Variants in EMP2 observed in about 807,000 individuals in gnomAD.
EMP2 encodes the protein epithelial membrane protein 2.
EMP2 carries 19 observed loss-of-function variants against 13.7 expected under a neutral mutation model. That is an observed-to-expected ratio of 1.38 (90% CI 0.97 to 2.03). The LOEUF is 2.03. EMP2 is among the 30% of genes most tolerant of loss of function. The pLI, the probability that EMP2 is intolerant of heterozygous loss-of-function variation, is 0.00. For missense variants in EMP2, 253 were observed against 220.7 expected, an observed-to-expected ratio of 1.15 and a Z score of -0.93; for synonymous variants, 97 against 84.7, an observed-to-expected ratio of 1.15 and a Z score of -0.80.
rs576738553 is a variant in EMP2 at position 10,551,142 on chromosome 16, T to C, written c.-60-3465A>G. ...AATTGTGTACTCACTAAGCAGTTAT[T>C]CCCTATTCTCCCTTCCCCCAACCCC... is the stretch of plus-strand genomic sequence containing the variant. On this transcript the variant is annotated intron_variant, in intron 1 of 4. Coordinates refer to ENST00000359543, the MANE Select transcript of EMP2 (RefSeq NM_001424.6). 2.0e-5 allele frequency among the ~76,000 whole-genome samples: 3 copies of C among 152,298 alleles called. No homozygotes were observed. The East Asian group carries it at 5.8e-4, about 29-fold the overall frequency.
Position 10,575,237 on chromosome 16 carries a change from C to CTTTTTTTTTTTTTTTTTTT in EMP2, c.-61+5293_-61+5311dup, listed in dbSNP as rs761837614. ...TGGCCTTGGTCCTGGAGCTTGCATT[C>CTTTTTTTTTTTTTTTTTTT]TTTTTTTTTTTTTTTTTTTTTTTTT... On this transcript the variant is annotated intron_variant, in intron 1 of 4. Transcript: ENST00000359543. Among the ~76,000 whole-genome samples, 32 of 52,490 alleles carry CTTTTTTTTTTTTTTTTTTT rather than the reference C, an allele frequency of 6.1e-4. 5 individuals are homozygous for CTTTTTTTTTTTTTTTTTTT. The highest frequency in any genetic ancestry group is 6.9e-4 in the Non-Finnish European group (19 of 27,432). The allele number at this position is 52,490 out of a possible 152,430, so 34.4% of individuals were successfully genotyped here.
At chr16:10,574,229 C>T (rs1322506057) in intron 1 of EMP2, among the ~76,000 whole-genome samples, 1 of 151,936 alleles carries the variant, frequency 6.6e-6, no homozygotes, top group Non-Finnish European at 1.5e-5. Flanking sequence ...TGAGCTACTG[C>T]GCCCGGCCCC....
chr16:10,540,914 C>T (rs2050691107), intron 3 of EMP2, among the ~76,000 whole-genome samples: 1 of 151,982 alleles, frequency 6.6e-6, no homozygotes, highest in Non-Finnish European at 1.5e-5. Flanking sequence ...ATGGTAAAAC[C>T]CTGTCTCTAC....
At chr16:10,548,456 C>G (rs933173981) in intron 1 of EMP2, among the ~76,000 whole-genome samples, 1 of 152,074 alleles carries the variant, frequency 6.6e-6, no homozygotes, top group Non-Finnish European at 1.5e-5. Context: ...TTTGGGAGGC[C>G]AAGGCAAGAG....
intron 1 of EMP2, among the ~76,000 whole-genome samples, chr16:10,562,059 A>C (rs889147771): frequency 6.6e-6 from 1 of 152,216 alleles, no homozygotes; most frequent in Admixed American, 6.5e-5. Flanking sequence ...GGGACACCCC[A>C]CCTCATTCTG....
chr16:10,534,837 G>C (rs563271674), intron 4 of EMP2, among the ~76,000 whole-genome samples: 2 of 152,368 alleles, frequency 1.3e-5, no homozygotes, highest in South Asian at 4.1e-4. Context: ...CTTAGGTTCT[G>C]TGGTTTTCCT....
chr16:10,536,014 C>A (rs11860001), intron 4 of EMP2, among the ~76,000 whole-genome samples: 2 of 152,012 alleles, frequency 1.3e-5, no homozygotes, highest in East Asian at 3.9e-4. Flanking sequence ...GAAAGGTCCC[C>A]GGAAGGACTG....
chr16:10,539,076 A>G (rs1279045489), intron 3 of EMP2, among the ~76,000 whole-genome samples: 1 of 152,134 alleles, frequency 6.6e-6, no homozygotes, highest in Non-Finnish European at 1.5e-5. Context: ...CGGGCTAGGA[A>G]GGTAGAGTAA....
At chr16:10,538,971 A>G (rs11859525) in intron 3 of EMP2, among the ~76,000 whole-genome samples, 112,447 of 151,580 alleles carry the variant, frequency 0.74, 41,749 homozygotes, top group East Asian at 0.75. Context: ...ATGTCTGGCT[A>G]ATTTTTAAAA....
intron 3 of EMP2, among the ~76,000 whole-genome samples, chr16:10,542,019 G>T (rs192218424): frequency 1.6e-4 from 24 of 152,274 alleles, no homozygotes; most frequent in African/African-American, 4.1e-4. Context: ...CCAGGGAGTA[G>T]GCTCCTTTGC....
At chr16:10,544,027 T>G (rs1203393115) in intron 2 of EMP2, among the ~76,000 whole-genome samples, 1 of 152,026 alleles carries the variant, frequency 6.6e-6, no homozygotes, top group Non-Finnish European at 1.5e-5. Flanking sequence ...GCCTACTTTT[T>G]GTATTTTTTG....
chr16:10,540,786 T>C (rs2050689475), intron 3 of EMP2, among the ~76,000 whole-genome samples: 1 of 152,202 alleles, frequency 6.6e-6, no homozygotes, highest in Admixed American at 6.5e-5. Flanking sequence ...ATACGAGTGA[T>C]AACACTCATG....
At chr16:10,537,813 G>C in intron 4 of EMP2, 115 bp downstream of exon 4, 1 of 1,391,008 alleles carries the variant, frequency 7.2e-7, no homozygotes, top group Non-Finnish European at 1.0e-6. Flanking sequence ...GCACCGCGCG[G>C]CTGCCAATTT....
intron 4 of EMP2, 152 bp downstream of exon 4, chr16:10,537,776 A>ACC (rs1292070980): frequency 1.1e-6 from 1 of 907,408 alleles, no homozygotes; most frequent in African/African-American, 1.7e-5. Flanking sequence ...ACACACACAC[A>ACC]CACACGCAAA....
intron 1 of EMP2, among the ~76,000 whole-genome samples, chr16:10,554,716 C>A (rs1187131262): frequency 6.6e-6 from 1 of 152,150 alleles, no homozygotes; most frequent in Non-Finnish European, 1.5e-5. Context: ...TGCCCTTGTG[C>A]CTGCAGGCTT....
At position 10,537,979 on chromosome 16, in the gene EMP2, G is replaced by A; in HGVS notation, c.265C>T (p.Leu89=). Residue 89 remains leucine, a synonymous_variant, in exon 4 of 5, where the codon CTG becomes TTG. Transcript: ENST00000359543. ...AGGACAAACCTCTCTCCCTGCTTCA[G>A]GCGGAAGAGCTGGAGCACGAAGATG... is the stretch of plus-strand genomic sequence containing the variant. ...FFIFVLQLFR[L]KQGERFVLTS... 2 of 1,614,128 alleles carry A rather than the reference G, an allele frequency of 1.2e-6. No individual in the cohort carries two copies. The highest frequency in any genetic ancestry group is 1.7e-5 in the Admixed American group (1 of 60,008).
intron 1 of EMP2, among the ~76,000 whole-genome samples, chr16:10,548,865 A>G (rs2050760319): frequency 6.6e-6 from 1 of 152,194 alleles, no homozygotes; most frequent in Admixed American, 6.5e-5. Flanking sequence ...GGAAGACTAT[A>G]TTTCCTGGAC....
At chr16:10,577,266 T>C (rs534927745) in intron 1 of EMP2, among the ~76,000 whole-genome samples, 2 of 152,312 alleles carry the variant, frequency 1.3e-5, no homozygotes, top group South Asian at 4.1e-4. Context: ...GCTCTCACCC[T>C]TTCAGGCACC....
chr16:10,538,222 G>A, intron 3 of EMP2, 148 bp from the exon 4 acceptor site: 1 of 914,006 alleles, frequency 1.1e-6, no homozygotes. Context: ...CTGAGCACAA[G>A]GGCAGCCAAG....
Sources: gnomAD v4.1 joint callset for allele counts (sites outside exome capture counted in the v4.1 genomes callset) on GRCh38, gnomAD v4.1.1 for gene constraint, MANE v1.5 for transcripts, NCBI Gene and HGNC (gene_info 2026-07-23, HGNC 2026-07-21) for gene names.